Variants in BAZ2B observed in about 807,000 individuals in gnomAD.
BAZ2B encodes the protein bromodomain adjacent to zinc finger domain 2B.
Under a neutral mutation model 246.0 loss-of-function variants are expected in BAZ2B, and 91 were observed. The ratio of observed to expected loss-of-function variants is 0.37; its 90% CI spans 0.31 to 0.44. BAZ2B has a LOEUF of 0.44. BAZ2B is among the 20% of genes least tolerant of loss of function. The pLI is 1.00. For synonymous variants in BAZ2B, 855 were observed against 860.0 expected (o/e 0.99, Z 0.10); for missense variants, 2,332 against 2,533.7 (o/e 0.92, Z 1.71).
rs1451705383 is a variant in BAZ2B at position 159,538,571 on chromosome 2, T to C, written c.-3+17252A>G. 2.6e-5 allele frequency among the ~76,000 whole-genome samples: 4 copies of C among 152,240 alleles called. 1 individual carries two copies. Among genetic ancestry groups the C allele is most frequent in the South Asian group, 4.1e-4 (2 of 4,838 alleles). On this transcript the variant is annotated intron_variant, in intron 2 of 36. Coordinates refer to ENST00000392783, the MANE Select transcript of BAZ2B (RefSeq NM_013450.4). ...GTACCACTCTGGTGTGTCTTACTTA[T>C]GAAAGTGTCTGCTTAATATTATGGC...
chr2:159,620,231 T>A (rs1182299406), upstream of BAZ2B, among the ~76,000 whole-genome samples: 1 of 152,226 alleles, frequency 6.6e-6, no homozygotes, highest in Non-Finnish European at 1.5e-5. Context: ...GAAGGCTGAC[T>A]ACAAAGAAAA....
At chr2:159,429,498 A>G (rs2070680572) in intron 10 of BAZ2B, among the ~76,000 whole-genome samples, 1 of 152,146 alleles carries the variant, frequency 6.6e-6, no homozygotes, top group African/African-American at 2.4e-5. Flanking sequence ...AAGAAAATAC[A>G]ATCCAAGGTA....
chr2:159,529,050 C>T (rs2085070208), intron 2 of BAZ2B, among the ~76,000 whole-genome samples: 1 of 151,832 alleles, frequency 6.6e-6, no homozygotes, highest in Admixed American at 6.6e-5. Context: ...CAACATGGCA[C>T]ATGTATACAT....
In BAZ2B at chr2:159,596,306, A is replaced by G. The variant is rs139842437; in HGVS notation, c.-46+19936T>C. ...CTTATTTACTGTTTCATTTGAAGAC[A>G]ACAATGATTAATATATTGCATTTTA... is the stretch of plus-strand genomic sequence containing the variant. On this transcript the variant is annotated intron_variant, in intron 1 of 36. Transcript: ENST00000392783. Among the ~76,000 whole-genome samples the G allele has an allele frequency of 2.7e-3, 406 of 152,352 alleles. 2 individuals are homozygous for G. Among genetic ancestry groups the G allele is most frequent in the African/African-American group, 9.2e-3 (383 of 41,582 alleles).
chr2:159,513,922 C>A (rs1341716081), intron 2 of BAZ2B, among the ~76,000 whole-genome samples: 1 of 152,128 alleles, frequency 6.6e-6, no homozygotes, highest in Non-Finnish European at 1.5e-5. Context: ...TCTCCATACC[C>A]GTACTCACAA....
At chr2:159,567,419 A>C (rs755660174) in intron 1 of BAZ2B, among the ~76,000 whole-genome samples, 20 of 152,164 alleles carry the variant, frequency 1.3e-4, no homozygotes, top group Non-Finnish European at 2.4e-4. Context: ...TTCTTGAAAG[A>C]AGCACAGTTT....
chr2:159,689,215 T>G, the BAZ2B span: 3 of 468,282 alleles, frequency 6.4e-6, no homozygotes, highest in Non-Finnish European at 1.2e-5. Context: ...AGTCTGAACT[T>G]TAAACAGATT....
chr2:159,610,554 C>T (rs190037449), intron 1 of BAZ2B, among the ~76,000 whole-genome samples: 1 of 152,194 alleles, frequency 6.6e-6, no homozygotes, highest in East Asian at 1.9e-4. Flanking sequence ...AGTACTAATC[C>T]AAGAATTATC....
intron 27 of BAZ2B, among the ~76,000 whole-genome samples, chr2:159,356,401 C>T (rs2149233540): frequency 6.6e-6 from 1 of 152,336 alleles, no homozygotes; most frequent in African/African-American, 2.4e-5. Flanking sequence ...GAGCCCTCTG[C>T]AGCTCAGCAA....
intron 3 of BAZ2B, among the ~76,000 whole-genome samples, chr2:159,466,441 GGTAA>G (rs2077059182): frequency 2.0e-5 from 3 of 152,134 alleles, no homozygotes; most frequent in Non-Finnish European, 4.4e-5. Flanking sequence ...GATACATATT[GGTAA>G]AACAGATAAA....
At chr2:159,435,968 G>A (rs1325443619) in intron 8 of BAZ2B, among the ~76,000 whole-genome samples, 1 of 152,152 alleles carries the variant, frequency 6.6e-6, no homozygotes, top group Non-Finnish European at 1.5e-5. Context: ...AAGAGAAAGT[G>A]CTTAATTAGT....
intron 2 of BAZ2B, among the ~76,000 whole-genome samples, chr2:159,523,697 CA>C (rs911152211): frequency 1.3e-5 from 2 of 151,420 alleles, no homozygotes; most frequent in East Asian, 1.9e-4. Context: ...GACTCCGTCT[CA>C]AAAAAAAGAA....
chr2:159,607,800 C>T (rs546601653), intron 1 of BAZ2B, among the ~76,000 whole-genome samples: 6 of 152,182 alleles, frequency 3.9e-5, no homozygotes, highest in African/African-American at 1.2e-4. Flanking sequence ...CTACCTAAAC[C>T]GAAGGGCCTT....
chr2:159,428,630 A>G (rs1003955313), intron 11 of BAZ2B, among the ~76,000 whole-genome samples: 10 of 152,162 alleles, frequency 6.6e-5, no homozygotes, highest in Admixed American at 1.3e-4. Context: ...TTTATATATT[A>G]AACTCCATCA....
At chr2:159,588,956 A>G (rs1360790499) in intron 1 of BAZ2B, among the ~76,000 whole-genome samples, 2 of 152,200 alleles carry the variant, frequency 1.3e-5, no homozygotes, top group Admixed American at 6.5e-5. Flanking sequence ...AGGCAGGCTG[A>G]AGCAGTAAGG....
Position 159,484,837 on chromosome 2 carries a change from T to TA in BAZ2B, c.-2-6117dup, listed in dbSNP as rs890948397. On this transcript the variant is annotated intron_variant, in intron 2 of 36. Transcript: ENST00000392783. ...TATACCGTCAAGAAAAGCAAGGTAA[T>TA]AAAAAAAAAAGTATAGCCACAGATT... Among the ~76,000 whole-genome samples the TA allele has an allele frequency of 4.1e-4, 60 of 145,446 alleles. 1 individual carries two copies. Among genetic ancestry groups the TA allele is most frequent in the African/African-American group, 1.4e-3 (56 of 39,796 alleles).
At chr2:159,565,077 G>A (rs1231317248) in intron 1 of BAZ2B, among the ~76,000 whole-genome samples, 1 of 152,082 alleles carries the variant, frequency 6.6e-6, no homozygotes, top group Non-Finnish European at 1.5e-5. Flanking sequence ...CACCATGTTG[G>A]CCAGGCTGGT....
chr2:159,698,862 G>C, the BAZ2B span, among the ~76,000 whole-genome samples: 1 of 152,024 alleles, frequency 6.6e-6, no homozygotes, highest in East Asian at 1.9e-4. Context: ...ATAGTAACTT[G>C]AACTGAAGAT....
At chr2:159,542,516 A>G (rs2086784201) in intron 2 of BAZ2B, among the ~76,000 whole-genome samples, 2 of 152,200 alleles carry the variant, frequency 1.3e-5, no homozygotes. Flanking sequence ...ACATGCCTGT[A>G]GTCCTAGCTA....
Sources: allele counts gnomAD v4.1 joint callset (sites outside exome capture counted in the v4.1 genomes callset), GRCh38; gene constraint gnomAD v4.1.1; transcripts MANE v1.5; gene names NCBI Gene and HGNC (gene_info 2026-07-23, HGNC 2026-07-21).